CCSER1: variants seen among roughly 807,000 people sequenced by gnomAD.
The protein encoded by CCSER1 is serine-rich coiled-coil domain-containing protein 1.
Under a neutral mutation model 82.0 loss-of-function variants are expected in CCSER1, and 41 were observed. The observed-to-expected ratio is 0.50, with a 90% CI of 0.39 to 0.65. The LOEUF is 0.65. Ranked by LOEUF, CCSER1 falls within the 30% of genes least tolerant of loss-of-function variation. The pLI is 0.00. For synonymous variants in CCSER1, 414 were observed against 383.9 expected, an observed-to-expected ratio of 1.08 and a Z score of -0.92; for missense variants, 1,119 against 1,064.2, an observed-to-expected ratio of 1.05 and a Z score of -0.72.
At chr4:91,594,022 A>AT (rs1445451557) in intron 10 of CCSER1, among the ~76,000 whole-genome samples, 1 of 152,094 alleles carries the variant, frequency 6.6e-6, no homozygotes. Flanking sequence ...TAATCACTAG[A>AT]TTTTCCATCC....
intron 10 of CCSER1, among the ~76,000 whole-genome samples, chr4:91,368,115 A>G (rs1267731077): frequency 2.0e-5 from 3 of 152,040 alleles, no homozygotes; most frequent in Non-Finnish European, 2.9e-5. Context: ...CTTAGCTTGC[A>G]TGAAGTATTT....
intron 9 of CCSER1, among the ~76,000 whole-genome samples, chr4:90,967,934 C>T (rs1315832269): frequency 1.3e-5 from 2 of 152,022 alleles, no homozygotes; most frequent in East Asian, 3.9e-4. Flanking sequence ...ACTTTATCAG[C>T]ATCACCCCTT....
chr4:91,518,855 T>C (rs564890702), intron 10 of CCSER1, among the ~76,000 whole-genome samples: 1 of 152,142 alleles, frequency 6.6e-6, no homozygotes, highest in South Asian at 2.1e-4. Context: ...TGGGCAACTA[T>C]TCTGTGGTCC....
In CCSER1 at chr4:90,923,429, T is replaced by C; in HGVS notation, c.2154T>C (p.Thr718=). ...FASRVDKSTQ[T]ELLCYDGLNL... Reference sequence around the variant, plus strand: ...CAAGAGTAGATAAATCCACACAGACTGAACTACTATGCTATGATGTAAGTA... The same window carrying C: ...CAAGAGTAGATAAATCCACACAGACCGAACTACTATGCTATGATGTAAGTA... The change falls in exon 9 of 11, where the codon ACT becomes ACC. Residue 718 remains threonine, a synonymous_variant. Transcript: ENST00000509176. The C allele has an allele frequency of 6.4e-7, 1 of 1,551,034 alleles. No homozygotes were observed. Among genetic ancestry groups the C allele is most frequent in the Non-Finnish European group, 8.7e-7 (1 of 1,146,410 alleles).
chr4:90,997,054 T>C (rs138267720), intron 9 of CCSER1, among the ~76,000 whole-genome samples: 1 of 152,296 alleles, frequency 6.6e-6, no homozygotes, highest in African/African-American at 2.4e-5. Flanking sequence ...ATTCACTTCC[T>C]GTTGCCACTG....
intron 10 of CCSER1, among the ~76,000 whole-genome samples, chr4:91,414,967 C>T (rs568579063): frequency 6.6e-6 from 1 of 152,064 alleles, no homozygotes; most frequent in African/African-American, 2.4e-5. Flanking sequence ...TAGATATAGA[C>T]AGCAATACAA....
chr4:91,009,870 A>G (rs1192359204), intron 9 of CCSER1, among the ~76,000 whole-genome samples: 16 of 152,292 alleles, frequency 1.1e-4, no homozygotes, highest in African/African-American at 3.6e-4. Context: ...TATTGCAGCT[A>G]TCATTATTTT....
chr4:91,189,328 TCA>T (rs1356619980), intron 10 of CCSER1, among the ~76,000 whole-genome samples: 58 of 152,284 alleles, frequency 3.8e-4, no homozygotes, highest in African/African-American at 1.4e-3. Flanking sequence ...ATCTAAAAAA[TCA>T]GGTTTAGAGT....
chr4:90,546,880 T>G (rs1194143030), intron 5 of CCSER1, among the ~76,000 whole-genome samples: 1 of 152,058 alleles, frequency 6.6e-6, no homozygotes, highest in Non-Finnish European at 1.5e-5. Flanking sequence ...TATTTTTTAT[T>G]CATTATCAAA....
intron 10 of CCSER1, among the ~76,000 whole-genome samples, chr4:91,387,375 A>T (rs1560632184): frequency 6.6e-6 from 1 of 151,982 alleles, no homozygotes; most frequent in Non-Finnish European, 1.5e-5. Context: ...TAAAAATTAG[A>T]TTTCTGTCAT....
intron 8 of CCSER1, among the ~76,000 whole-genome samples, chr4:90,921,192 C>T (rs182742200): frequency 1.3e-5 from 2 of 151,958 alleles, no homozygotes; most frequent in East Asian, 3.9e-4. Context: ...CATCAAGAAT[C>T]ATCTCCTGAA....
At chr4:91,129,327 T>G (rs894507778) in intron 10 of CCSER1, among the ~76,000 whole-genome samples, 1 of 152,014 alleles carries the variant, frequency 6.6e-6, no homozygotes, top group Non-Finnish European at 1.5e-5. Context: ...GAATCATGAT[T>G]CCTAGAATCC....
chr4:90,538,596 T>C (rs1022581862), intron 5 of CCSER1, among the ~76,000 whole-genome samples: 1 of 152,162 alleles, frequency 6.6e-6, no homozygotes, highest in African/African-American at 2.4e-5. Flanking sequence ...GTGCACAGTG[T>C]ATTATTTTGT....
At chr4:90,303,496 G>A (rs576713713) in intron 1 of CCSER1, among the ~76,000 whole-genome samples, 24 of 152,052 alleles carry the variant, frequency 1.6e-4, no homozygotes, top group East Asian at 7.7e-4. Flanking sequence ...AAATAATGCC[G>A]CATATCTACA....
intron 7 of CCSER1, 36 bp downstream of exon 7, chr4:90,724,027 T>C: frequency 7.9e-7 from 1 of 1,261,086 alleles, no homozygotes; most frequent in Non-Finnish European, 1.1e-6. Flanking sequence ...TTTATAAAAA[T>C]ATTAGGATAG....
intron 10 of CCSER1, among the ~76,000 whole-genome samples, chr4:91,290,403 T>C (rs571548272): frequency 2.6e-4 from 40 of 152,118 alleles, no homozygotes; most frequent in African/African-American, 9.1e-4. Context: ...TCCCAGTGTT[T>C]TTGTAGTTTA....
chr4:90,920,793 C>A (rs1222635653), intron 8 of CCSER1, among the ~76,000 whole-genome samples: 1 of 151,650 alleles, frequency 6.6e-6, no homozygotes, highest in Non-Finnish European at 1.5e-5. Context: ...CCCTTAGTGT[C>A]CCCTCCCCTC....
intron 10 of CCSER1, among the ~76,000 whole-genome samples, chr4:91,229,507 C>A (rs906863601): frequency 1.2e-4 from 18 of 151,984 alleles, no homozygotes; most frequent in African/African-American, 4.3e-4. Flanking sequence ...AATTTGATTT[C>A]TCATTCTACT....
chr4:91,081,949 G>A (rs986730037), intron 9 of CCSER1, among the ~76,000 whole-genome samples: 2 of 152,146 alleles, frequency 1.3e-5, no homozygotes, highest in Admixed American at 6.5e-5. Flanking sequence ...CCATGCTCAT[G>A]GGTAGGAAGA....
Sources: allele counts gnomAD v4.1 joint callset (sites outside exome capture counted in the v4.1 genomes callset), GRCh38; gene constraint gnomAD v4.1.1; transcripts MANE v1.5; gene names NCBI Gene and HGNC (gene_info 2026-07-23, HGNC 2026-07-21).